The following DOCK2 variants were observed in gnomAD, a reference collection of about 807,000 sequenced individuals.
The protein encoded by DOCK2 is dedicator of cytokinesis 2, also known as dedicator of cytokinesis protein 2.
In DOCK2, 87 loss-of-function variants were observed where a neutral mutation model predicts 248.9. The ratio of observed to expected loss-of-function variants is 0.35; its 90% CI spans 0.29 to 0.42. DOCK2 has a LOEUF of 0.42. Ranked by LOEUF, DOCK2 falls within the 10% of genes least tolerant of loss-of-function variation. DOCK2 has a pLI of 1.00. For synonymous variants in DOCK2, 805 were observed against 821.6 expected, an observed-to-expected ratio of 0.98 and a Z score of 0.35; for missense variants, 1,747 against 2,300.2, an observed-to-expected ratio of 0.76 and a Z score of 4.92.
At chr5:169,972,578 TA>T (rs1460964705) in intron 27 of DOCK2, among the ~76,000 whole-genome samples, 10,760 of 59,154 alleles carry the variant, frequency 0.18, 428 homozygotes, top group African/African-American at 0.22. Flanking sequence ...GATAGATAGA[TA>T]GATAGATGAT....
In DOCK2 at chr5:169,716,227, T is replaced by G. The variant is rs749439073; in HGVS notation, c.1956T>G (p.Thr652=). Residue 652 remains threonine, a synonymous_variant, in exon 20 of 52, where the codon ACT becomes ACG. Coordinates refer to ENST00000520908, the MANE Select transcript of DOCK2 (RefSeq NM_004946.3). ...GEEVVKFLQD[T]LDALFNIMME... The stretch of plus-strand genomic sequence containing the variant: ...ATTTCTTCCAGTTTCTCCAGGATAC[T>G]CTGGATGCCCTCTTCAACATCATGA... 1.2e-5 allele frequency: 19 copies of G among 1,613,706 alleles called. 1 individual carries two copies. Among genetic ancestry groups the G allele is most frequent in the Middle Eastern group, 1.7e-4 (1 of 6,054 alleles).
chr5:169,831,017 C>A (rs1769192633), intron 26 of DOCK2, among the ~76,000 whole-genome samples: 1 of 152,160 alleles, frequency 6.6e-6, no homozygotes, highest in Admixed American at 6.5e-5. Flanking sequence ...TGCAGCCTGA[C>A]TTTCATTTCT....
chr5:169,949,551 G>A (rs547372456), intron 27 of DOCK2, among the ~76,000 whole-genome samples: 15 of 151,922 alleles, frequency 9.9e-5, no homozygotes, highest in African/African-American at 1.2e-4. Flanking sequence ...ATTTGGAGGC[G>A]TTGGTACCCA....
At chr5:169,795,566 A>AT (rs1426949569) in intron 25 of DOCK2, among the ~76,000 whole-genome samples, 6 of 152,206 alleles carry the variant, frequency 3.9e-5, no homozygotes, top group Non-Finnish European at 7.3e-5. Flanking sequence ...CCTGATCTGG[A>AT]ATATGAAATT....
At chr5:169,926,080 T>C (rs1410528971) in intron 27 of DOCK2, among the ~76,000 whole-genome samples, 1 of 152,126 alleles carries the variant, frequency 6.6e-6, no homozygotes, top group East Asian at 1.9e-4. Context: ...GAAAAGAGAA[T>C]TTCTCTCTTA....
chr5:169,992,929 C>G (rs895260016), intron 29 of DOCK2, among the ~76,000 whole-genome samples: 1 of 152,192 alleles, frequency 6.6e-6, no homozygotes, highest in African/African-American at 2.4e-5. Context: ...TACTAATCCC[C>G]ATCATCAGCA....
chr5:169,931,415 C>T (rs1775747915), intron 27 of DOCK2, among the ~76,000 whole-genome samples: 2 of 152,230 alleles, frequency 1.3e-5, no homozygotes, highest in Admixed American at 1.3e-4. Context: ...CTCCCGTTCG[C>T]CTGAACCCTC....
intron 50 of DOCK2, chr5:170,080,585 G>T: frequency 2.8e-6 from 1 of 357,788 alleles, no homozygotes; most frequent in Non-Finnish European, 5.2e-6. Context: ...CAGTTAGCCA[G>T]GCCTCCCCAG....
intron 27 of DOCK2, among the ~76,000 whole-genome samples, chr5:169,960,274 G>A (rs1045250053): frequency 6.6e-6 from 1 of 152,198 alleles, no homozygotes; most frequent in African/African-American, 2.4e-5. Flanking sequence ...CTGTACATGG[G>A]TATCTTTGTT....
In DOCK2 at chr5:169,921,156, G is replaced by C. The variant is rs1057249886; in HGVS notation, c.2800-61912G>C. ...GTAGGAATGAATGCAATGTTAGCCTGGAAAAGTGTCTGGATGGATAGGGAA... is the reference window on the plus strand; with the variant it reads ...GTAGGAATGAATGCAATGTTAGCCTCGAAAAGTGTCTGGATGGATAGGGAA... On this transcript the variant is annotated intron_variant, in intron 27 of 51. Transcript: ENST00000520908. 5.9e-5 allele frequency among the ~76,000 whole-genome samples: 9 copies of C among 152,300 alleles called. No individual in the cohort carries two copies. The East Asian group carries it at 1.7e-3, about 29-fold the overall frequency.
At chr5:169,891,567 A>C (rs985746052) in intron 27 of DOCK2, among the ~76,000 whole-genome samples, 1 of 152,130 alleles carries the variant, frequency 6.6e-6, no homozygotes, top group Non-Finnish European at 1.5e-5. Flanking sequence ...TGTTCTAGAA[A>C]ATGTAGGGGA....
intron 25 of DOCK2, among the ~76,000 whole-genome samples, chr5:169,767,376 G>A (rs1764853052): frequency 6.6e-6 from 1 of 152,134 alleles, no homozygotes; most frequent in South Asian, 2.1e-4. Context: ...TTGCTGTTTA[G>A]TTTAATTAGG....
intron 23 of DOCK2, among the ~76,000 whole-genome samples, chr5:169,753,060 T>A (rs773852259): frequency 4.1e-5 from 5 of 122,604 alleles, no homozygotes; most frequent in Non-Finnish European, 7.8e-5. Flanking sequence ...CAAGACTCTA[T>A]CTAAAAATAA....
intron 8 of DOCK2, among the ~76,000 whole-genome samples, chr5:169,685,435 TCTC>T (rs1454185831): frequency 6.6e-6 from 1 of 152,144 alleles, no homozygotes; most frequent in Non-Finnish European, 1.5e-5. Flanking sequence ...CCACTGCCTG[TCTC>T]CTCCATTGGG....
chr5:169,786,077 G>A (rs1765963918), intron 25 of DOCK2, among the ~76,000 whole-genome samples: 1 of 152,042 alleles, frequency 6.6e-6, no homozygotes, highest in African/African-American at 2.4e-5. Flanking sequence ...CCCAGTTCAG[G>A]GCTAGAAAGG....
chr5:169,956,963 C>T (rs541141101), intron 27 of DOCK2, among the ~76,000 whole-genome samples: 1 of 152,156 alleles, frequency 6.6e-6, no homozygotes, highest in African/African-American at 2.4e-5. Flanking sequence ...GAGTATGTCT[C>T]AATCATGAAC....
intron 22 of DOCK2, among the ~76,000 whole-genome samples, chr5:169,719,287 G>A (rs1762070241): frequency 6.6e-6 from 1 of 152,206 alleles, no homozygotes; most frequent in Non-Finnish European, 1.5e-5. Context: ...TTGATGGTCA[G>A]TATCACAGAG....
At chr5:169,765,947 A>T (rs1764760899) in intron 25 of DOCK2, among the ~76,000 whole-genome samples, 1 of 152,238 alleles carries the variant, frequency 6.6e-6, no homozygotes, top group Non-Finnish European at 1.5e-5. Context: ...AAGGGGCTGG[A>T]CAACGGTTGG....
At chr5:169,828,022 C>T (rs936842699) in intron 26 of DOCK2, among the ~76,000 whole-genome samples, 2 of 152,126 alleles carry the variant, frequency 1.3e-5, no homozygotes, top group Admixed American at 6.6e-5. Flanking sequence ...TTGCCAGCAC[C>T]ATGGAGAAGG....
Sources: gnomAD v4.1 joint callset for allele counts (sites outside exome capture counted in the v4.1 genomes callset) on GRCh38, gnomAD v4.1.1 for gene constraint, MANE v1.5 for transcripts, NCBI Gene and HGNC (gene_info 2026-07-23, HGNC 2026-07-21) for gene names.